The following TCERG1L variants were observed in gnomAD, a reference collection of about 807,000 sequenced individuals.
TCERG1L encodes the protein transcription elongation regulator 1 like, also known as transcription elongation regulator 1-like protein.
Under a neutral mutation model 56.3 loss-of-function variants are expected in TCERG1L, and 37 were observed. That is an observed-to-expected ratio of 0.66 (90% CI 0.51 to 0.87). TCERG1L has a LOEUF of 0.87. TCERG1L is among the 40% of genes least tolerant of loss of function. The probability of loss-of-function intolerance (pLI) is 0.00; values close to 1 mark genes in which losing one functional copy is unlikely to be tolerated. For synonymous variants in TCERG1L, 324 were observed against 326.3 expected (o/e 0.99, Z 0.08); for missense variants, 799 against 774.2 (o/e 1.03, Z -0.38).
At chr10:131,308,843 T>C (rs892519839) in intron 2 of TCERG1L, among the ~76,000 whole-genome samples, 4 of 152,248 alleles carry the variant, frequency 2.6e-5, no homozygotes, top group Admixed American at 2.0e-4. Context: ...TATTGTGTAA[T>C]GTTCAAGTCT....
At chr10:131,228,222 TCAA>T (rs1416416618) in intron 4 of TCERG1L, among the ~76,000 whole-genome samples, 94 of 137,550 alleles carry the variant, frequency 6.8e-4, no homozygotes, top group East Asian at 3.0e-3. Flanking sequence ...AGGCATTTCC[TCAA>T]GGCCTCCGGA....
chr10:131,234,051 C>T (rs914083595), intron 4 of TCERG1L, among the ~76,000 whole-genome samples: 3 of 152,168 alleles, frequency 2.0e-5, no homozygotes, highest in African/African-American at 7.2e-5. Context: ...AAAGCCCTGG[C>T]CAGAAGCCAA....
intron 5 of TCERG1L, 147 bp from the exon 6 acceptor site, chr10:131,163,357 G>GCCGT: frequency 1.6e-6 from 1 of 625,538 alleles, no homozygotes; most frequent in Non-Finnish European, 2.6e-6. Flanking sequence ...GGCAGCGCCT[G>GCCGT]GCTGGGAGGT....
intron 4 of TCERG1L, among the ~76,000 whole-genome samples, chr10:131,255,708 T>C (rs771762930): frequency 6.6e-6 from 1 of 152,224 alleles, no homozygotes; most frequent in Non-Finnish European, 1.5e-5. Context: ...AGGGTGATTC[T>C]CAGGGTAGGC....
chr10:131,136,131 G>A (rs995445923), intron 7 of TCERG1L, among the ~76,000 whole-genome samples: 1 of 152,220 alleles, frequency 6.6e-6, no homozygotes, highest in African/African-American at 2.4e-5. Context: ...GAGAGCCACT[G>A]GTCTAGAGCC....
At chr10:131,148,647 C>G (rs1424218024) in intron 6 of TCERG1L, among the ~76,000 whole-genome samples, 1 of 130,212 alleles carries the variant, frequency 7.7e-6, no homozygotes, top group Admixed American at 8.3e-5. Flanking sequence ...CACGGAGAGA[C>G]AGAGATCGGG....
chr10:131,111,758 T>C lies in TCERG1L; in HGVS notation c.1395+5041A>G, dbSNP rs145665464. 4.7e-4 allele frequency among the ~76,000 whole-genome samples: 68 copies of C among 143,292 alleles called. 20 individuals carry two copies. In the East Asian group the frequency reaches 0.015, roughly 31 times the overall value. 94.0% of individuals were successfully genotyped at this position (143,292 alleles called of 152,430 possible). ...GCGTGGAATTCACTCATGTAAATAATGAATAAAGCTCCTAGGTAACACTAT... is the reference window on the plus strand; with the variant it reads ...GCGTGGAATTCACTCATGTAAATAACGAATAAAGCTCCTAGGTAACACTAT... On this transcript the variant is annotated intron_variant, in intron 9 of 11. Transcript: ENST00000368642.
At chr10:131,185,624 A>G (rs1472036151) in intron 4 of TCERG1L, among the ~76,000 whole-genome samples, 2 of 152,234 alleles carry the variant, frequency 1.3e-5, no homozygotes, top group Non-Finnish European at 2.9e-5. Flanking sequence ...AACGGCGAAC[A>G]GGCATGTGAA....
rs778802793 is a variant in TCERG1L, at chr10:131,173,633, G to A, written c.857-6748C>T. On this transcript the variant is annotated intron_variant, in intron 4 of 11. Transcript: ENST00000368642. ...AGAGTTGCCAGCCCCGGCGCAAGGC[G>A]GAAGCAGGAGAGACATAGATTTCAG... Among the ~76,000 whole-genome samples, 19 of 152,342 alleles carry A rather than the reference G, an allele frequency of 1.2e-4. 1 individual carries two copies. Among genetic ancestry groups the A allele is most frequent in the Admixed American group, 2.0e-4 (3 of 15,308 alleles).
rs973101129 is a variant in TCERG1L, at chr10:131,311,516, G to C, written c.120C>G (p.Val40=). 3.1e-5 allele frequency: 37 copies of C among 1,198,978 alleles called. No homozygotes were observed. Among genetic ancestry groups the C allele is most frequent in the Non-Finnish European group, 3.8e-5 (37 of 964,610 alleles). The allele number at this position is 1,198,978 out of a possible 1,614,324, so 74.3% of individuals were successfully genotyped here. A position where few individuals can be genotyped will look rare whatever the true frequency, so the allele number is the denominator to read the frequency against. The part of the protein sequence containing the change: ...DAEPPPPPPW[V]WMVPGSAGLL... Reference sequence around the variant, plus strand: ...GCCCGGCCGAGCCCGGCACCATCCAGACCCAGGGCGGCGGCGGCGGCGGCT... The same window carrying C: ...GCCCGGCCGAGCCCGGCACCATCCACACCCAGGGCGGCGGCGGCGGCGGCT... Residue 40 remains valine (V), a synonymous_variant, in exon 1 of 12, where the codon GTC becomes GTG. Coordinates refer to ENST00000368642, the MANE Select transcript of TCERG1L (RefSeq NM_174937.4). This position sits in a 1 kb window ranked among gnomAD's most constrained non-coding sequence, Gnocchi z 4.0.
In TCERG1L at chr10:131,167,360, G is replaced by GTGGA. The variant is rs368515717; in HGVS notation, c.857-479_857-476dup. Among the ~76,000 whole-genome samples the GTGGA allele has an allele frequency of 1.3e-3, 200 of 152,362 alleles. 1 individual carries two copies. The highest frequency in any genetic ancestry group is 4.7e-3 in the African/African-American group (196 of 41,590). On this transcript the variant is annotated intron_variant, in intron 4 of 11. Coordinates refer to ENST00000368642, the MANE Select transcript of TCERG1L (RefSeq NM_174937.4). ...GGGTGGGAGTGCTGTGCCCAGGTGT[G>GTGGA]TGGATGTCTTGGGGCTGCTCTCTCG...
intron 4 of TCERG1L, among the ~76,000 whole-genome samples, chr10:131,257,054 A>AAAG (rs1336988347): frequency 1.5e-5 from 2 of 135,452 alleles, no homozygotes; most frequent in African/African-American, 5.7e-5. Flanking sequence ...AGAAAGAAAG[A>AAAG]AAAGAAAGAA....
chr10:131,251,209 C>A (rs1015327250), intron 4 of TCERG1L, among the ~76,000 whole-genome samples: 2 of 152,172 alleles, frequency 1.3e-5, no homozygotes, highest in Non-Finnish European at 2.9e-5. Context: ...TCTGCCGTGG[C>A]CCTGACCACT....
At chr10:131,265,136 G>A (rs953489464) in intron 3 of TCERG1L, among the ~76,000 whole-genome samples, 7 of 152,106 alleles carry the variant, frequency 4.6e-5, no homozygotes, top group Admixed American at 1.3e-4. Context: ...GTGAAAAAGC[G>A]ACTGATGGTG....
intron 6 of TCERG1L, among the ~76,000 whole-genome samples, chr10:131,148,341 A>G (rs1448732136): frequency 6.9e-6 from 1 of 145,368 alleles, no homozygotes; most frequent in Non-Finnish European, 1.5e-5. Context: ...CATACACACA[A>G]ACAGACACAC....
chr10:131,244,345 T>C (rs1466070146), intron 4 of TCERG1L, among the ~76,000 whole-genome samples: 1 of 152,064 alleles, frequency 6.6e-6, no homozygotes, highest in Non-Finnish European at 1.5e-5. Flanking sequence ...AGGCACGTGC[T>C]TTCATCCGGG....
chr10:131,294,927 T>C lies in TCERG1L; in HGVS notation c.670+13284A>G, dbSNP rs369943313. 9.2e-5 allele frequency among the ~76,000 whole-genome samples: 14 copies of C among 152,250 alleles called. No individual in the cohort carries two copies. In the East Asian group the frequency reaches 1.9e-3, roughly 21 times the overall value. On this transcript the variant is annotated intron_variant, in intron 3 of 11. Transcript: ENST00000368642. ...TAAATGTATACACTTATGAAACCACTGAGGCCAGATAAACGTCCACCATCC... is the reference window on the plus strand; with the variant it reads ...TAAATGTATACACTTATGAAACCACCGAGGCCAGATAAACGTCCACCATCC...
At chr10:131,264,686 A>C (rs1231029643) in intron 3 of TCERG1L, among the ~76,000 whole-genome samples, 1 of 152,170 alleles carries the variant, frequency 6.6e-6, no homozygotes, top group East Asian at 1.9e-4. Context: ...CTTCATTCTC[A>C]GGTCTCATTA....
chr10:131,263,112 C>T (rs1037844999), intron 3 of TCERG1L, among the ~76,000 whole-genome samples: 1 of 152,000 alleles, frequency 6.6e-6, no homozygotes. Flanking sequence ...TAAGAAACTG[C>T]CAGACTGTCT....
Sources: allele counts gnomAD v4.1 joint callset (sites outside exome capture counted in the v4.1 genomes callset), GRCh38; gene constraint gnomAD v4.1.1; non-coding constraint Gnocchi (gnomAD v3.1); transcripts MANE v1.5; gene names NCBI Gene and HGNC (gene_info 2026-07-23, HGNC 2026-07-21).